Variants in RGMB observed in about 807,000 individuals in gnomAD.
The protein encoded by RGMB is repulsive guidance molecule B.
A neutral mutation model predicts 26.9 loss-of-function variants in RGMB; 16 were observed. The observed-to-expected ratio is 0.60, with a 90% CI of 0.40 to 0.90. The LOEUF (loss-of-function observed/expected upper bound fraction) is 0.90, where lower values mean the gene tolerates loss of function less well. Among genes scored for constraint, RGMB ranks in the 40% least tolerant of loss-of-function variants. RGMB has a pLI of 0.00. For synonymous variants in RGMB, 225 were observed against 229.3 expected, an observed-to-expected ratio of 0.98 and a Z score of 0.17; for missense variants, 512 against 573.3, an observed-to-expected ratio of 0.89 and a Z score of 1.09.
chr5:98,773,778 G>A lies in RGMB; in HGVS notation c.-293G>A, dbSNP rs1746267650. 4.9e-6 allele frequency: 2 copies of A among 410,112 alleles called. No individual in the cohort carries two copies. The highest frequency in any genetic ancestry group is 8.6e-6 in the Non-Finnish European group (2 of 233,874). The allele number at this position is 410,112 out of a possible 1,614,324, so 25.4% of individuals were successfully genotyped here. On this transcript the variant is annotated 5_prime_UTR_variant, in exon 1 of 3. Coordinates refer to ENST00000513185, the MANE Select transcript of RGMB (RefSeq NM_001366508.1). ...CGGGGTGCCGGCGCGCTCGGGACTC[G>A]TCTCAGCAGTCGCTCACGGTCTTTG...
At chr5:98,774,505 C>G (rs1285077616) in intron 1 of RGMB, among the ~76,000 whole-genome samples, 1 of 152,206 alleles carries the variant, frequency 6.6e-6, no homozygotes, top group Non-Finnish European at 1.5e-5. Context: ...GCGGGGGCCG[C>G]GCGCCCGAGA....
chr5:98,770,371 C>CAG (rs1399639927), upstream of RGMB: 45 of 385,346 alleles, frequency 1.2e-4, no homozygotes, highest in Non-Finnish European at 4.6e-6. Context: ...GCACTGGTTT[C>CAG]CTGAGATAAA....
At position 98,793,475 on chromosome 5, in the gene RGMB, T is replaced by A. The variant is rs1747008489; in HGVS notation, c.1036T>A (p.Trp346Arg). The A allele has an allele frequency of 6.2e-7, 1 of 1,613,376 alleles. No individual in the cohort carries two copies. Among genetic ancestry groups the A allele is most frequent in the Non-Finnish European group, 8.5e-7 (1 of 1,179,670 alleles). Residue 346 changes from tryptophan to arginine, a missense_variant, in exon 3 of 3, where the codon TGG (tryptophan) becomes AGG (arginine). Physicochemically the swap from Trp to Arg is moderately radical, Grantham distance 101 (BLOSUM62 -3). Transcript: ENST00000513185. ...SLPRTSLVQA[W>R]PGYTLETANT... is the part of the protein sequence containing the mutation. ...GCCTCGCACCTCCTTGGTGCAGGCC[T>A]GGCCTGGCTACACACTGGAGACTGC...
chr5:98,769,125 G>T (rs1272561709), upstream of RGMB, among the ~76,000 whole-genome samples: 1 of 152,184 alleles, frequency 6.6e-6, no homozygotes, highest in East Asian at 1.9e-4. Context: ...GTGGTGGGGG[G>T]AAGGCGAAGA....
intron 2 of RGMB, among the ~76,000 whole-genome samples, chr5:98,785,382 A>G (rs1199067790): frequency 1.3e-5 from 2 of 152,118 alleles, no homozygotes; most frequent in Non-Finnish European, 2.9e-5. Flanking sequence ...GCTGGTTCCA[A>G]TTGATGTTAT....
Position 98,792,898 on chromosome 5 carries a change from T to C in RGMB, c.646-187T>C, listed in dbSNP as rs1746977658. 5 of 530,308 alleles carry C rather than the reference T, an allele frequency of 9.4e-6. No individual in the cohort carries two copies. In the South Asian group the frequency reaches 1.2e-4, roughly 13 times the overall value. 32.9% of individuals were successfully genotyped at this position (530,308 alleles called of 1,614,324 possible). On this transcript the variant is annotated intron_variant, in intron 2 of 2. Coordinates refer to ENST00000513185, the MANE Select transcript of RGMB (RefSeq NM_001366508.1). ...TTTATTTAAACTTTAGTTCTAAATA[T>C]ATAGGACTTTAAAAAATATTTTCTG...
Position 98,793,780 on chromosome 5 carries a change from T to A in RGMB, c.*27T>A. 6.7e-7 allele frequency: 1 copy of A among 1,486,140 alleles called. No individual in the cohort carries two copies. The highest frequency in any genetic ancestry group is 9.0e-7 in the Non-Finnish European group (1 of 1,116,716). The allele number at this position is 1,486,140 out of a possible 1,614,324, so 92.1% of individuals were successfully genotyped here. A position where few individuals can be genotyped will look rare whatever the true frequency, so the allele number is the denominator to read the frequency against. ...GGTTGTCTTTTGTTTTGGTTTTTTA[T>A]TTTTTGTCTATAACAAAATTTTAAA... On this transcript the variant is annotated 3_prime_UTR_variant, in exon 3 of 3. Coordinates refer to ENST00000513185, the MANE Select transcript of RGMB (RefSeq NM_001366508.1).
intron 2 of RGMB, among the ~76,000 whole-genome samples, chr5:98,787,974 C>G (rs1164514838): frequency 6.6e-6 from 1 of 152,216 alleles, no homozygotes; most frequent in African/African-American, 2.4e-5. Flanking sequence ...CATTCTCTAT[C>G]TGCTGCCAAG....
chr5:98,784,735 T>C (rs1746718467), intron 2 of RGMB, among the ~76,000 whole-genome samples: 1 of 152,226 alleles, frequency 6.6e-6, no homozygotes, highest in African/African-American at 2.4e-5. Flanking sequence ...ACCCATTATG[T>C]TTTTAGCATC....
rs140962826 is a variant in RGMB at position 98,794,338 on chromosome 5, A to C, written c.*585A>C. ...ACGCTGATCTTAAGAAGCTCTCTTCATCTAAGAGCTGTTACTTTTTCAGAA... is the reference window on the plus strand; with the variant it reads ...ACGCTGATCTTAAGAAGCTCTCTTCCTCTAAGAGCTGTTACTTTTTCAGAA... On this transcript the variant is annotated 3_prime_UTR_variant, in exon 3 of 3. Coordinates refer to ENST00000513185, the MANE Select transcript of RGMB (RefSeq NM_001366508.1). 2 of 152,372 alleles carry C rather than the reference A, an allele frequency of 1.3e-5. No individual in the cohort carries two copies. The highest frequency in any genetic ancestry group is 4.8e-5 in the African/African-American group (2 of 41,584). 9.4% of individuals were successfully genotyped at this position (152,372 alleles called of 1,614,324 possible).
chr5:98,771,223 A>G (rs1746151532), upstream of RGMB: 1 of 152,316 alleles, frequency 6.6e-6, no homozygotes. Context: ...TACCAGTGGC[A>G]AGAAACAGGG....
intron 1 of RGMB, among the ~76,000 whole-genome samples, chr5:98,778,166 TA>T (rs1746474321): frequency 6.6e-6 from 1 of 152,204 alleles, no homozygotes; most frequent in African/African-American, 2.4e-5. Context: ...AAACAGAGCT[TA>T]CAAGCTACTA....
intron 2 of RGMB, among the ~76,000 whole-genome samples, chr5:98,791,702 A>G (rs952952655): frequency 9.2e-5 from 14 of 152,114 alleles, no homozygotes; most frequent in South Asian, 2.1e-4. Flanking sequence ...CAATGATACA[A>G]TTCTCAAAAT....
upstream of RGMB, chr5:98,772,887 C>G (rs945906162): frequency 3.3e-5 from 5 of 152,216 alleles, no homozygotes; most frequent in African/African-American, 1.2e-4. Context: ...ATTAATTACA[C>G]TGTAACCGAA....
Position 98,793,576 on chromosome 5 carries a change from T to G in RGMB, c.1137T>G (p.Thr379=), listed in dbSNP as rs760632286. 6.8e-6 allele frequency: 11 copies of G among 1,613,894 alleles called. No individual in the cohort carries two copies. The highest frequency in any genetic ancestry group is 9.3e-6 in the Non-Finnish European group (11 of 1,179,904). The change falls in exon 3 of 3, where the codon ACT becomes ACG. Residue 379 remains threonine, a synonymous_variant. Coordinates refer to ENST00000513185, the MANE Select transcript of RGMB (RefSeq NM_001366508.1). ...CCTGTGTCTTCGACCTGCTCACCAC[T>G]GGTGATGCCAACTTTACTGCCGCAG... ...FQSCVFDLLT[T]GDANFTAAAH... is the part of the protein sequence containing the mutation.
chr5:98,770,564 A>G (rs1746122307), upstream of RGMB: 2 of 1,153,804 alleles, frequency 1.7e-6, no homozygotes, highest in East Asian at 6.4e-5. Flanking sequence ...TGCATTGCTC[A>G]CGCCAAGCTT....
intron 2 of RGMB, chr5:98,792,797 T>C (rs1746974343): frequency 5.2e-6 from 1 of 191,926 alleles, no homozygotes; most frequent in Non-Finnish European, 1.0e-5. Context: ...AAAAAACCGA[T>C]ATTCTGATAG....
At chr5:98,784,769 A>G (rs921842270) in intron 2 of RGMB, among the ~76,000 whole-genome samples, 24 of 152,220 alleles carry the variant, frequency 1.6e-4, no homozygotes, top group African/African-American at 5.8e-4. Context: ...TGTGAGCTAC[A>G]TAGTGTTTAT....
intron 2 of RGMB, among the ~76,000 whole-genome samples, chr5:98,789,826 T>G (rs2662258): frequency 0.6 from 91,248 of 152,110 alleles, 30,416 homozygotes; most frequent in African/African-American, 0.9. Flanking sequence ...ACAGCATATA[T>G]ATTAGTTCAT....
Sources: gnomAD v4.1 joint callset for allele counts (sites outside exome capture counted in the v4.1 genomes callset) on GRCh38, gnomAD v4.1.1 for gene constraint, MANE v1.5 for transcripts, NCBI Gene and HGNC (gene_info 2026-07-23, HGNC 2026-07-21) for gene names.